MTMR3: variants seen among roughly 807,000 people sequenced by gnomAD.
MTMR3 encodes the protein myotubularin related protein 3, also known as phosphatidylinositol-3,5-bisphosphate 3-phosphatase MTMR3.
Under a neutral mutation model 132.4 loss-of-function variants are expected in MTMR3, and 32 were observed. The observed-to-expected ratio is 0.24, with a 90% CI of 0.18 to 0.32. MTMR3 has a LOEUF of 0.32. Ranked by LOEUF, MTMR3 falls within the 10% of genes least tolerant of loss-of-function variation. MTMR3 has a pLI of 1.00. For synonymous variants in MTMR3, 556 were observed against 550.3 expected, an observed-to-expected ratio of 1.01 and a Z score of -0.14; for missense variants, 1,216 against 1,489.6, an observed-to-expected ratio of 0.82 and a Z score of 3.02.
rs563482719 is a variant in MTMR3, at chr22:29,930,116, A to C, written c.-137-26920A>C. 1.8e-4 allele frequency among the ~76,000 whole-genome samples: 28 copies of C among 152,326 alleles called. No homozygotes were observed. The East Asian group carries it at 5.2e-3, about 28-fold the overall frequency. The stretch of plus-strand genomic sequence containing the variant: ...AAAGCCTTAGGAGTGTGTTTGTATA[A>C]TATTTTTGCTTTTGAAAGTCAATTA... On this transcript the variant is annotated intron_variant, in intron 1 of 19. Coordinates refer to ENST00000401950, the MANE Select transcript of MTMR3 (RefSeq NM_021090.4).
rs1185138174 is a variant in MTMR3, at chr22:30,020,666, G to A, written c.3007G>A (p.Ala1003Thr). Residue 1003 changes from alanine (A) to threonine (T), a missense_variant, in exon 17 of 20, where the codon GCA (alanine) becomes ACA (threonine). By Grantham distance (58) the Ala-to-Thr change is moderately conservative. Transcript: ENST00000401950. ...WLHSHSGRPSATSSPDQPSRS... is the reference protein window; with the variant it reads ...WLHSHSGRPSTTSSPDQPSRS... ...GCATAGCCACTCAGGAAGGCCATCT[G>A]CAACCAGCAGCCCCGACCAGCCTTC... 2 of 1,614,194 alleles carry A rather than the reference G, an allele frequency of 1.2e-6. No individual in the cohort carries two copies. Among genetic ancestry groups the A allele is most frequent in the Non-Finnish European group, 1.7e-6 (2 of 1,180,046 alleles).
chr22:30,013,671 G>T, intron 14 of MTMR3, 130 bp downstream of exon 14: 3 of 892,134 alleles, frequency 3.4e-6, no homozygotes, highest in East Asian at 2.9e-5. Flanking sequence ...TCCTGTTTCT[G>T]CTTTTTTTTT....
At chr22:29,998,234 T>C (rs1206508642) in intron 7 of MTMR3, 1 of 152,352 alleles carries the variant, frequency 6.6e-6, no homozygotes, top group African/African-American at 2.4e-5. Flanking sequence ...TGAGATAACA[T>C]AACTCTTGAT....
chr22:29,900,215 T>C (rs1324677397), intron 1 of MTMR3, among the ~76,000 whole-genome samples: 2 of 152,114 alleles, frequency 1.3e-5, no homozygotes, highest in East Asian at 3.9e-4. Context: ...GAGGACAAAG[T>C]TTTAAGGAAT....
chr22:30,017,894 C>T (rs1218005707), intron 15 of MTMR3, 33 bp from the exon 16 acceptor site: 1 of 1,610,588 alleles, frequency 6.2e-7, no homozygotes, highest in African/African-American at 1.3e-5. Flanking sequence ...CTTATTGGGG[C>T]ATATTTAAAC....
chr22:29,981,422 T>G (rs1214504120), intron 5 of MTMR3: 1 of 152,240 alleles, frequency 6.6e-6, no homozygotes, highest in Non-Finnish European at 1.5e-5. Flanking sequence ...GATTGAGAGA[T>G]AATGCTTAAG....
chr22:29,887,998 T>C (rs1401078400), intron 1 of MTMR3, among the ~76,000 whole-genome samples: 2 of 152,066 alleles, frequency 1.3e-5, no homozygotes, highest in Non-Finnish European at 2.9e-5. Flanking sequence ...CTAATTTCTT[T>C]AGTAGTTAAT....
intron 3 of MTMR3, among the ~76,000 whole-genome samples, chr22:29,975,922 G>T (rs1472451892): frequency 6.6e-6 from 1 of 152,172 alleles, no homozygotes; most frequent in Non-Finnish European, 1.5e-5. Context: ...GTTCTTTAAA[G>T]GTTAGTTGCA....
chr22:29,949,130 CA>C (rs2066011980), intron 1 of MTMR3, among the ~76,000 whole-genome samples: 1 of 42,124 alleles, frequency 2.4e-5, no homozygotes. Flanking sequence ...CACACACACA[CA>C]CACACACACA....
intron 5 of MTMR3, chr22:29,986,513 T>TC (rs397950047): frequency 2.2e-6 from 2 of 908,472 alleles, no homozygotes; most frequent in African/African-American, 1.8e-5. Context: ...TTTTTTTTTT[T>TC]CCTTCTTAGA....
In MTMR3 at chr22:29,904,809, ATGTGTGTGTGTTGTG is replaced by A. The variant is rs1396475857; in HGVS notation, c.-138+21462_-138+21476del. Among the ~76,000 whole-genome samples the A allele has an allele frequency of 1.3e-4, 15 of 113,142 alleles. No homozygotes were observed. In the Admixed American group the frequency reaches 1.6e-3, roughly 12 times the overall value. 74.2% of individuals were successfully genotyped at this position (113,142 alleles called of 152,430 possible). On this transcript the variant is annotated intron_variant, in intron 1 of 19. Transcript: ENST00000401950. ...GAAGATGGACAATGTTCAGAGGGGT[ATGTGTGTGTGTTGTG>A]TGTGTGTGTGTGTGTGTCTTGGTTT...
In MTMR3 at chr22:29,977,907, G is replaced by C. The variant is rs560478449; in HGVS notation, c.4-535G>C. On this transcript the variant is annotated intron_variant, in intron 3 of 19. Coordinates refer to ENST00000401950, the MANE Select transcript of MTMR3 (RefSeq NM_021090.4). ...CATGTCTGTTATCGCAGCACTTTGG[G>C]AGGCTGAGGCAGCTGGATCACCTGA... Among the ~76,000 whole-genome samples, 3 of 152,308 alleles carry C rather than the reference G, an allele frequency of 2.0e-5. No homozygotes were observed. The South Asian group carries it at 6.2e-4, about 32-fold the overall frequency.
At chr22:30,006,880 G>A in intron 9 of MTMR3, 2 of 480,726 alleles carry the variant, frequency 4.2e-6, no homozygotes. Context: ...ATTTTTTTGG[G>A]TAACTTTACA....
At chr22:30,014,181 C>G (rs2067510006) in intron 14 of MTMR3, 1 of 152,190 alleles carries the variant, frequency 6.6e-6, no homozygotes, top group African/African-American at 2.4e-5. Flanking sequence ...TCTACCCTTG[C>G]TATCTCAAAT....
At chr22:29,924,659 A>G (rs1018711588) in intron 1 of MTMR3, among the ~76,000 whole-genome samples, 2 of 152,210 alleles carry the variant, frequency 1.3e-5, no homozygotes, top group African/African-American at 4.8e-5. Flanking sequence ...TAGTATTGAC[A>G]TCTTCACAAT....
At chr22:29,898,160 G>A (rs1482366578) in intron 1 of MTMR3, among the ~76,000 whole-genome samples, 1 of 152,120 alleles carries the variant, frequency 6.6e-6, no homozygotes. Context: ...AATTTTAATA[G>A]CTGTATAGTA....
intron 8 of MTMR3, chr22:30,000,098 A>G (rs1415106764): frequency 2.6e-5 from 4 of 152,186 alleles, no homozygotes; most frequent in Non-Finnish European, 4.4e-5. Context: ...GTTAACTACT[A>G]TGATTTTGGT....
Position 29,897,225 on chromosome 22 carries a change from C to T in MTMR3, c.-138+13866C>T, listed in dbSNP as rs185269752. The stretch of plus-strand genomic sequence containing the variant: ...CCGAGTAGCTGGGACTACAGGTGCA[C>T]GCCACCATGCCCAGCTAATTTTTGT... On this transcript the variant is annotated intron_variant, in intron 1 of 19. Coordinates refer to ENST00000401950, the MANE Select transcript of MTMR3 (RefSeq NM_021090.4). 1.5e-3 allele frequency among the ~76,000 whole-genome samples: 227 copies of T among 151,742 alleles called. 3 individuals carry two copies. The highest frequency in any genetic ancestry group is 0.01 in the Middle Eastern group (3 of 294).
intron 2 of MTMR3, among the ~76,000 whole-genome samples, chr22:29,963,176 GC>G (rs1288090471): frequency 1.3e-5 from 2 of 151,894 alleles, no homozygotes; most frequent in East Asian, 3.9e-4. Context: ...CGAACTCCTG[GC>G]CTTGAGTGAT....
Sources: allele counts gnomAD v4.1 joint callset (sites outside exome capture counted in the v4.1 genomes callset), GRCh38; gene constraint gnomAD v4.1.1; transcripts MANE v1.5; gene names NCBI Gene and HGNC (gene_info 2026-07-23, HGNC 2026-07-21).